The following ADGRL3 variants were observed in gnomAD, a reference collection of about 807,000 sequenced individuals.
The protein encoded by ADGRL3 is calcium-independent alpha-latrotoxin receptor 3.
Under a neutral mutation model 153.5 loss-of-function variants are expected in ADGRL3, and 62 were observed. That is an observed-to-expected ratio of 0.40 (90% CI 0.33 to 0.50). The LOEUF (loss-of-function observed/expected upper bound fraction) is 0.50, where lower values mean the gene tolerates loss of function less well. Among genes scored for constraint, ADGRL3 ranks in the 20% least tolerant of loss-of-function variants. The probability of loss-of-function intolerance (pLI) is 0.47; values close to 1 mark genes in which losing one functional copy is unlikely to be tolerated. For synonymous variants in ADGRL3, 710 were observed against 672.5 expected (o/e 1.06, Z -0.86); for missense variants, 1,641 against 1,859.4 (o/e 0.88, Z 2.16).
chr4:61,431,236 C>T (rs931434995), intron 2 of ADGRL3, among the ~76,000 whole-genome samples: 4 of 152,156 alleles, frequency 2.6e-5, no homozygotes, highest in Admixed American at 1.3e-4. Flanking sequence ...TCACTGACCA[C>T]GAAATAGGAT....
chr4:61,870,592 T>C (rs563608257), intron 9 of ADGRL3, among the ~76,000 whole-genome samples: 17 of 138,568 alleles, frequency 1.2e-4, no homozygotes, highest in Non-Finnish European at 2.5e-4. Context: ...TAAAGAATCC[T>C]TACAACTCCA....
At chr4:61,818,105 T>C (rs2097708809) in intron 9 of ADGRL3, among the ~76,000 whole-genome samples, 1 of 152,118 alleles carries the variant, frequency 6.6e-6, no homozygotes, top group African/African-American at 2.4e-5. Context: ...CAAACTCTTA[T>C]CTGAGACAAG....
At chr4:61,233,304 C>T (rs1366214916) in intron 1 of ADGRL3, among the ~76,000 whole-genome samples, 1 of 152,032 alleles carries the variant, frequency 6.6e-6, no homozygotes, top group Non-Finnish European at 1.5e-5. Flanking sequence ...TTACTCTTTT[C>T]TTTTTTTAAA....
intron 2 of ADGRL3, chr4:61,385,901 G>T (rs1012416131): frequency 6.6e-6 from 1 of 152,048 alleles, no homozygotes; most frequent in South Asian, 2.1e-4. Flanking sequence ...GTGTGTGTTT[G>T]TGTGTGTGTA....
rs545592903 is a variant in ADGRL3 at position 61,245,208 on chromosome 4, T to C, written c.-240+43443T>C. Among the ~76,000 whole-genome samples, 24 of 152,178 alleles carry C rather than the reference T, an allele frequency of 1.6e-4. No homozygotes were observed. The South Asian group carries it at 5.0e-3, about 32-fold the overall frequency. ...AAGAAAAATCAGACAGACTTGTGGATCAGTGCTATTACACATATAAGGTTT... is the reference window on the plus strand; with the variant it reads ...AAGAAAAATCAGACAGACTTGTGGACCAGTGCTATTACACATATAAGGTTT... On this transcript the variant is annotated intron_variant, in intron 1 of 26. Coordinates refer to ENST00000683033, the MANE Select transcript of ADGRL3 (RefSeq NM_001387552.1).
intron 2 of ADGRL3, among the ~76,000 whole-genome samples, chr4:61,386,431 G>A (rs1277748002): frequency 1.3e-5 from 2 of 152,110 alleles, no homozygotes; most frequent in African/African-American, 4.8e-5. Context: ...ATAAGTTAAT[G>A]ATAGTACACA....
intron 5 of ADGRL3, among the ~76,000 whole-genome samples, chr4:61,629,885 A>G (rs1483926758): frequency 6.6e-6 from 1 of 152,012 alleles, no homozygotes; most frequent in Non-Finnish European, 1.5e-5. Context: ...TGTAGAGACT[A>G]ATTCTAATCA....
rs568278720 is a variant in ADGRL3, at chr4:61,348,082, A to G, written c.-239-35042A>G. Among the ~76,000 whole-genome samples the G allele has an allele frequency of 8.6e-4, 131 of 152,162 alleles. 2 individuals are homozygous for G. Among genetic ancestry groups the G allele is most frequent in the South Asian group, 6.2e-4 (3 of 4,828 alleles). Reference sequence around the variant, plus strand: ...CCTTGGATAATTTTAGCACTTTTCAAACTTATAAGATAAACAATATTATTT... The same window carrying G: ...CCTTGGATAATTTTAGCACTTTTCAGACTTATAAGATAAACAATATTATTT... On this transcript the variant is annotated intron_variant, in intron 1 of 26. Coordinates refer to ENST00000683033, the MANE Select transcript of ADGRL3 (RefSeq NM_001387552.1).
chr4:61,759,849 G>T (rs1406787039), intron 8 of ADGRL3, among the ~76,000 whole-genome samples: 3 of 152,100 alleles, frequency 2.0e-5, no homozygotes, highest in Non-Finnish European at 4.4e-5. Context: ...ATGGGGATTT[G>T]GTGTGGATGT....
intron 1 of ADGRL3, among the ~76,000 whole-genome samples, chr4:61,355,289 T>A (rs2151392421): frequency 6.6e-6 from 1 of 152,238 alleles, no homozygotes; most frequent in South Asian, 2.1e-4. Context: ...TTAATATTCT[T>A]GTGTCCATTT....
In ADGRL3 at chr4:62,006,718, T is replaced by C. The variant is rs983257273; in HGVS notation, c.3395+8453T>C. Among the ~76,000 whole-genome samples the C allele has an allele frequency of 2.6e-5, 4 of 151,994 alleles. No individual in the cohort carries two copies. The East Asian group carries it at 7.7e-4, about 29-fold the overall frequency. On this transcript the variant is annotated intron_variant, in intron 21 of 26. Transcript: ENST00000683033. ...TTTAAGGCAGTTATATATTTACTTTTAAAACATTAAGAAAATAAAAGTGAG... is the reference window on the plus strand; with the variant it reads ...TTTAAGGCAGTTATATATTTACTTTCAAAACATTAAGAAAATAAAAGTGAG...
chr4:61,815,379 T>C (rs2097676695), intron 9 of ADGRL3, among the ~76,000 whole-genome samples: 1 of 152,218 alleles, frequency 6.6e-6, no homozygotes, highest in South Asian at 2.1e-4. Flanking sequence ...GTTCGAGATA[T>C]GAGAAACATA....
chr4:61,457,356 T>C (rs1257678795), intron 2 of ADGRL3, among the ~76,000 whole-genome samples: 1 of 151,976 alleles, frequency 6.6e-6, no homozygotes, highest in East Asian at 1.9e-4. Flanking sequence ...AATGCAATGT[T>C]ATTTTAATTA....
chr4:61,918,875 C>G (rs1041839949), intron 13 of ADGRL3, among the ~76,000 whole-genome samples: 1 of 152,168 alleles, frequency 6.6e-6, no homozygotes, highest in African/African-American at 2.4e-5. Flanking sequence ...TGCTATTGCA[C>G]CTTTGACAAA....
At chr4:61,271,728 C>T (rs1018266951) in intron 1 of ADGRL3, among the ~76,000 whole-genome samples, 1 of 151,914 alleles carries the variant, frequency 6.6e-6, no homozygotes, top group Non-Finnish European at 1.5e-5. Context: ...TTTCACAGAA[C>T]CAGGATGGAG....
intron 4 of ADGRL3, among the ~76,000 whole-genome samples, chr4:61,553,590 G>C (rs1230699894): frequency 1.3e-5 from 2 of 152,012 alleles, no homozygotes; most frequent in African/African-American, 4.8e-5. Flanking sequence ...ATTGATTATT[G>C]TCTGACATCA....
chr4:61,524,998 A>T (rs2098551367), intron 4 of ADGRL3, among the ~76,000 whole-genome samples: 1 of 152,086 alleles, frequency 6.6e-6, no homozygotes, highest in Admixed American at 6.6e-5. Context: ...TCTTGTGCCT[A>T]CAACATCTAT....
intron 8 of ADGRL3, among the ~76,000 whole-genome samples, chr4:61,744,717 A>G (rs548598160): frequency 6.6e-6 from 1 of 152,130 alleles, no homozygotes; most frequent in Non-Finnish European, 1.5e-5. Flanking sequence ...CCATCTGTAC[A>G]TCACCATCAT....
intron 5 of ADGRL3, among the ~76,000 whole-genome samples, chr4:61,648,077 C>G (rs2094106419): frequency 6.6e-6 from 1 of 151,898 alleles, no homozygotes; most frequent in Non-Finnish European, 1.5e-5. Flanking sequence ...AGAGAGATTC[C>G]ACTGAACTGA....
Sources: gnomAD v4.1 joint callset for allele counts (sites outside exome capture counted in the v4.1 genomes callset) on GRCh38, gnomAD v4.1.1 for gene constraint, MANE v1.5 for transcripts, NCBI Gene and HGNC (gene_info 2026-07-23, HGNC 2026-07-21) for gene names.